Variants in PARD3B observed in about 807,000 individuals in gnomAD.
PARD3B encodes the protein par-3 family cell polarity regulator beta.
A neutral mutation model predicts 130.2 loss-of-function variants in PARD3B; 103 were observed. The ratio of observed to expected loss-of-function variants is 0.79; its 90% confidence interval spans 0.67 to 0.93. PARD3B has a LOEUF of 0.93. PARD3B is among the 40% of genes least tolerant of loss of function. The pLI is 0.00. For missense variants in PARD3B, 1,609 were observed against 1,499.2 expected, an observed-to-expected ratio of 1.07 and a Z score of -1.21; for synonymous variants, 583 against 553.2, an observed-to-expected ratio of 1.05 and a Z score of -0.76.
chr2:204,984,995 C>T (rs895262488), intron 3 of PARD3B, among the ~76,000 whole-genome samples: 2 of 151,034 alleles, frequency 1.3e-5, no homozygotes, highest in East Asian at 4.0e-4. Context: ...CCCCAGCTCT[C>T]ACAAAATCTT....
rs374714456 is a variant in PARD3B at position 205,191,388 on chromosome 2, A to G, written c.2025-1817A>G. 7.2e-5 allele frequency among the ~76,000 whole-genome samples: 11 copies of G among 152,294 alleles called. No individual in the cohort carries two copies. The South Asian group carries it at 2.3e-3, about 32-fold the overall frequency. ...AGGCCACTCACCCTGACATTTTCCT[A>G]CAGGGGCCACTCTCCTAACCATCAA... On this transcript the variant is annotated intron_variant, in intron 14 of 22. Coordinates refer to ENST00000406610, the MANE Select transcript of PARD3B (RefSeq NM_001302769.2).
chr2:205,456,805 T>C (rs1199243056), intron 20 of PARD3B, among the ~76,000 whole-genome samples: 3 of 150,024 alleles, frequency 2.0e-5, no homozygotes, highest in Non-Finnish European at 4.4e-5. Flanking sequence ...AGTATGTAAC[T>C]ATTTTATATA....
chr2:205,055,536 G>A (rs182403451), intron 4 of PARD3B, among the ~76,000 whole-genome samples: 37 of 152,278 alleles, frequency 2.4e-4, no homozygotes, highest in Non-Finnish European at 4.7e-4. Context: ...CCAAGATCCT[G>A]TGTGTGATTG....
intron 21 of PARD3B, among the ~76,000 whole-genome samples, chr2:205,516,776 C>G (rs924180867): frequency 2.0e-5 from 3 of 151,812 alleles, no homozygotes; most frequent in Non-Finnish European, 4.4e-5. Context: ...TGCTTGATTG[C>G]TCTGGCTGGG....
At chr2:205,129,352 G>A (rs1297727537) in intron 10 of PARD3B, among the ~76,000 whole-genome samples, 2 of 152,218 alleles carry the variant, frequency 1.3e-5, no homozygotes, top group African/African-American at 4.8e-5. Context: ...TGTTTGGCAC[G>A]TGCTGGGCTA....
chr2:204,635,803 A>C (rs1395235352), intron 1 of PARD3B, among the ~76,000 whole-genome samples: 1 of 152,200 alleles, frequency 6.6e-6, no homozygotes, highest in Non-Finnish European at 1.5e-5. Context: ...AATATATGTG[A>C]AAATGCTTTG....
intron 21 of PARD3B, among the ~76,000 whole-genome samples, chr2:205,522,141 T>C (rs1312686433): frequency 6.6e-6 from 1 of 151,658 alleles, no homozygotes; most frequent in Admixed American, 6.6e-5. Context: ...TATTTTTACT[T>C]CATTATTTTT....
intron 2 of PARD3B, among the ~76,000 whole-genome samples, chr2:204,788,347 T>C (rs1220301944): frequency 1.3e-5 from 2 of 152,216 alleles, no homozygotes; most frequent in Non-Finnish European, 2.9e-5. Context: ...AGGGATTGTC[T>C]AGTTCCTTTG....
Position 204,673,130 on chromosome 2 carries a change from G to C in PARD3B, c.121-13051G>C, listed in dbSNP as rs112137130. On this transcript the variant is annotated intron_variant, in intron 1 of 22. Transcript: ENST00000406610. This position sits in a 1 kb window ranked among gnomAD's most constrained non-coding sequence, Gnocchi z 4.7. ...ACTTTAAAGCTCATACTTTTTCCAC[G>C]AAGCATTTTGGGGAGTATGCTGAAT... 2.0e-5 allele frequency among the ~76,000 whole-genome samples: 3 copies of C among 152,032 alleles called. No homozygotes were observed. Among genetic ancestry groups the C allele is most frequent in the African/African-American group, 7.2e-5 (3 of 41,396 alleles).
intron 18 of PARD3B, among the ~76,000 whole-genome samples, chr2:205,318,069 G>A (rs187918602): frequency 6.6e-6 from 1 of 152,160 alleles, no homozygotes; most frequent in African/African-American, 2.4e-5. Flanking sequence ...TTGCAACTTT[G>A]ATTGCAGACA....
chr2:205,382,993 G>A (rs1320588997), intron 18 of PARD3B, among the ~76,000 whole-genome samples: 1 of 151,856 alleles, frequency 6.6e-6, no homozygotes, highest in African/African-American at 2.4e-5. Flanking sequence ...CTCCTTTATT[G>A]TAGAAACCAA....
chr2:205,287,170 G>A lies in PARD3B; in HGVS notation c.2186-13360G>A, dbSNP rs909147920. On this transcript the variant is annotated intron_variant, in intron 16 of 22. Transcript: ENST00000406610. The surrounding 1 kb of genome is among the most constrained non-coding windows in gnomAD (Gnocchi z 4.8). ...AGTCTGCCCTGTTACTCAAGTGTCCGACCTGAGCAGAAACAACTGGTGGTA... is the reference window on the plus strand; with the variant it reads ...AGTCTGCCCTGTTACTCAAGTGTCCAACCTGAGCAGAAACAACTGGTGGTA... Among the ~76,000 whole-genome samples, 3 of 152,156 alleles carry A rather than the reference G, an allele frequency of 2.0e-5. No individual in the cohort carries two copies. The highest frequency in any genetic ancestry group is 1.9e-4 in the East Asian group (1 of 5,194).
At chr2:205,330,867 A>G (rs2105771935) in intron 18 of PARD3B, among the ~76,000 whole-genome samples, 1 of 152,282 alleles carries the variant, frequency 6.6e-6, no homozygotes, top group South Asian at 2.1e-4. Flanking sequence ...CTAAACTATA[A>G]TGTGGTTCCT....
chr2:205,045,772 C>T (rs925378), intron 3 of PARD3B, among the ~76,000 whole-genome samples: 67,238 of 150,188 alleles, frequency 0.45, 15,055 homozygotes, highest in South Asian at 0.55. Flanking sequence ...TCCATATATA[C>T]ACACACACAC....
chr2:204,807,747 T>C (rs2042824993), intron 2 of PARD3B, among the ~76,000 whole-genome samples: 1 of 152,188 alleles, frequency 6.6e-6, no homozygotes, highest in Admixed American at 6.5e-5. Flanking sequence ...AAAGTTAAAC[T>C]TCACATCTTC....
chr2:205,448,778 G>A (rs923839773), intron 20 of PARD3B, among the ~76,000 whole-genome samples: 3 of 152,076 alleles, frequency 2.0e-5, no homozygotes, highest in Non-Finnish European at 4.4e-5. Context: ...TATCTAGTCT[G>A]CATTTTCCAG....
At chr2:204,633,272 T>C (rs907318846) in intron 1 of PARD3B, among the ~76,000 whole-genome samples, 2 of 152,160 alleles carry the variant, frequency 1.3e-5, no homozygotes, top group African/African-American at 4.8e-5. Flanking sequence ...TATATACTAC[T>C]ACAAAAATAT....
Position 205,274,960 on chromosome 2 carries a change from G to C in PARD3B, c.2186-25570G>C, listed in dbSNP as rs182344025. 6.6e-6 allele frequency among the ~76,000 whole-genome samples: 1 copy of C among 152,218 alleles called. No individual in the cohort carries two copies. ...TCCTTAATTTTTATTGTCCTGTGTT[G>C]TAAAGTGGTCTGTGGCTTCAAAGGG... On this transcript the variant is annotated intron_variant, in intron 16 of 22. Transcript: ENST00000406610. This position sits in a 1 kb window ranked among gnomAD's most constrained non-coding sequence, Gnocchi z 4.2.
intron 19 of PARD3B, among the ~76,000 whole-genome samples, chr2:205,414,449 T>G (rs1421677251): frequency 2.0e-5 from 3 of 152,160 alleles, no homozygotes; most frequent in Non-Finnish European, 2.9e-5. Flanking sequence ...CTGACAACAT[T>G]TTATTAATCA....
Sources: allele counts gnomAD v4.1 joint callset (sites outside exome capture counted in the v4.1 genomes callset), GRCh38; gene constraint gnomAD v4.1.1; non-coding constraint Gnocchi (gnomAD v3.1); transcripts MANE v1.5; gene names NCBI Gene and HGNC (gene_info 2026-07-23, HGNC 2026-07-21).